Variants in ADAMTS2 observed in about 807,000 individuals in gnomAD.
ADAMTS2 encodes the protein A disintegrin and metalloproteinase with thrombospondin motifs 2.
In ADAMTS2, 50 loss-of-function variants were observed where a neutral mutation model predicts 123.0. That is an observed-to-expected ratio of 0.41 (90% CI 0.32 to 0.51). The LOEUF is 0.51. ADAMTS2 is among the 20% of genes least tolerant of loss of function. The probability of loss-of-function intolerance (pLI) is 0.35; values close to 1 mark genes in which losing one functional copy is unlikely to be tolerated. For synonymous variants in ADAMTS2, 678 were observed against 695.4 expected, an observed-to-expected ratio of 0.98 and a Z score of 0.39; for missense variants, 1,494 against 1,705.2, an observed-to-expected ratio of 0.88 and a Z score of 2.18.
chr5:179,317,855 G>A lies in ADAMTS2; in HGVS notation c.534+25912C>T, dbSNP rs1247673817. Among the ~76,000 whole-genome samples, 2 of 152,220 alleles carry A rather than the reference G, an allele frequency of 1.3e-5. No homozygotes were observed. Among genetic ancestry groups the A allele is most frequent in the Non-Finnish European group, 2.9e-5 (2 of 68,036 alleles). On this transcript the variant is annotated intron_variant, in intron 2 of 21. Coordinates refer to ENST00000251582, the MANE Select transcript of ADAMTS2 (RefSeq NM_014244.5). This position sits in a 1 kb window ranked among gnomAD's most constrained non-coding sequence, Gnocchi z 4.9. The stretch of plus-strand genomic sequence containing the variant: ...GGTAGAGGTGGGGCTGGTCCACAGT[G>A]AGGGAGGGAGGCAGGTGTAGACTGG...
intron 4 of ADAMTS2, among the ~76,000 whole-genome samples, chr5:179,193,315 C>T (rs2052469): frequency 0.23 from 34,436 of 152,124 alleles, 6,248 homozygotes; most frequent in East Asian, 0.47. Flanking sequence ...TCTCCGCCTA[C>T]GCCGAGTACT....
intron 3 of ADAMTS2, among the ~76,000 whole-genome samples, chr5:179,218,050 G>A (rs994502304): frequency 1.1e-4 from 16 of 152,164 alleles, no homozygotes; most frequent in African/African-American, 2.9e-4. Context: ...CCTAATGACC[G>A]CCCTGCAGAG....
In ADAMTS2 at chr5:179,158,934, G is replaced by C. The variant is rs1304938559; in HGVS notation, c.976-55C>G. ...AGAGGTTGGCGCCTGGTGGCCCAGT[G>C]GGGGGCCGAGCAGGCTGTAGTGTTG... On this transcript the variant is annotated intron_variant, in intron 5 of 21. Coordinates refer to ENST00000251582, the MANE Select transcript of ADAMTS2 (RefSeq NM_014244.5). This position sits in a 1 kb window ranked among gnomAD's most constrained non-coding sequence, Gnocchi z 5.0. 3.8e-6 allele frequency: 6 copies of C among 1,595,916 alleles called. No individual in the cohort carries two copies. Among genetic ancestry groups the C allele is most frequent in the Non-Finnish European group, 4.3e-6 (5 of 1,170,730 alleles).
chr5:179,128,146 C>G lies in ADAMTS2; in HGVS notation c.2458-28G>C. On this transcript the variant is annotated intron_variant, in intron 16 of 21. Transcript: ENST00000251582. This position sits in a 1 kb window ranked among gnomAD's most constrained non-coding sequence, Gnocchi z 4.9. ...GTGCCAGCCCAAGAGCCTTGATGTG[C>G]CTGACCTGCCCTCCATGCTTCCTCC... is the stretch of plus-strand genomic sequence containing the variant. 6.2e-7 allele frequency: 1 copy of G among 1,610,870 alleles called. No homozygotes were observed. Among genetic ancestry groups the G allele is most frequent in the South Asian group, 1.1e-5 (1 of 91,020 alleles).
At chr5:179,226,627 G>A (rs1160931954) in intron 3 of ADAMTS2, among the ~76,000 whole-genome samples, 2 of 152,104 alleles carry the variant, frequency 1.3e-5, no homozygotes, top group Non-Finnish European at 2.9e-5. Context: ...GAAACAACCT[G>A]CATCAGATTG....
intron 5 of ADAMTS2, among the ~76,000 whole-genome samples, chr5:179,161,606 T>C (rs1374144696): frequency 1.3e-5 from 2 of 152,170 alleles, no homozygotes; most frequent in Non-Finnish European, 2.9e-5. Context: ...GAATAAGCGT[T>C]AGTGCCCTAT....
chr5:179,298,999 C>G (rs1267764695), intron 2 of ADAMTS2, among the ~76,000 whole-genome samples: 2 of 151,878 alleles, frequency 1.3e-5, no homozygotes, highest in Non-Finnish European at 2.9e-5. Context: ...TGGATGAGAC[C>G]AAAGCCACCA....
rs1296515884 is a variant in ADAMTS2 at position 179,155,392 on chromosome 5, G to C, written c.1133-473C>G. The stretch of plus-strand genomic sequence containing the variant: ...CCTCCAAGCCCACCTCCTCTGGGGG[G>C]CGTTTCTTGGGTCTCCCCGTGTTTC... On this transcript the variant is annotated intron_variant, in intron 6 of 21. Coordinates refer to ENST00000251582, the MANE Select transcript of ADAMTS2 (RefSeq NM_014244.5). This position sits in a 1 kb window ranked among gnomAD's most constrained non-coding sequence, Gnocchi z 5.1. Among the ~76,000 whole-genome samples, 1 of 152,194 alleles carries C rather than the reference G, an allele frequency of 6.6e-6. No individual in the cohort carries two copies. The highest frequency in any genetic ancestry group is 1.5e-5 in the Non-Finnish European group (1 of 68,046).
At chr5:179,299,317 C>T (rs1385696967) in intron 2 of ADAMTS2, among the ~76,000 whole-genome samples, 2 of 106,236 alleles carry the variant, frequency 1.9e-5, no homozygotes, top group Admixed American at 1.1e-4. Flanking sequence ...ATCACGAGGT[C>T]AGGAGATGGA....
chr5:179,293,563 T>C (rs1756247488), intron 2 of ADAMTS2, among the ~76,000 whole-genome samples: 1 of 152,222 alleles, frequency 6.6e-6, no homozygotes, highest in African/African-American at 2.4e-5. Context: ...CAGTGCCCCA[T>C]AGATCCCAGC....
chr5:179,114,191 G>A lies in ADAMTS2; in HGVS notation c.3312C>T (p.Gly1104=), dbSNP rs1023260232. The A allele has an allele frequency of 3.1e-6, 5 of 1,612,154 alleles. No individual in the cohort carries two copies. Among genetic ancestry groups the A allele is most frequent in the Non-Finnish European group, 4.2e-6 (5 of 1,178,398 alleles). ...GCTTCCCAGGCGGTGGCTCTATCCT[G>A]CCCTCCACGTTGGTGAGGTTGTTGT... is the stretch of plus-strand genomic sequence containing the variant. The part of the protein sequence containing the change: ...NLYNNLTNVE[G]RIEPPPGKHN... The change falls in exon 22 of 22, where the codon GGC becomes GGT. Residue 1104 remains glycine (G), a synonymous_variant. Transcript: ENST00000251582.
rs183191714 is a variant in ADAMTS2 at position 179,226,885 on chromosome 5, G to A, written c.689-19170C>T. ...TAACGTCCCCATCAGTCAAGGTCTGGTTAAGCAAGTGATTCACAGGATGGA... is the reference window on the plus strand; with the variant it reads ...TAACGTCCCCATCAGTCAAGGTCTGATTAAGCAAGTGATTCACAGGATGGA... On this transcript the variant is annotated intron_variant, in intron 3 of 21. Transcript: ENST00000251582. Among the ~76,000 whole-genome samples, 7 of 152,342 alleles carry A rather than the reference G, an allele frequency of 4.6e-5. No homozygotes were observed. The East Asian group carries it at 1.3e-3, about 29-fold the overall frequency.
intron 10 of ADAMTS2, among the ~76,000 whole-genome samples, chr5:179,148,774 AC>A (rs1763299453): frequency 6.6e-6 from 1 of 151,890 alleles, no homozygotes; most frequent in African/African-American, 2.4e-5. Context: ...ACCCTCCCAG[AC>A]CTGCCTTTGT....
chr5:179,306,134 A>G (rs1296672194), intron 2 of ADAMTS2, among the ~76,000 whole-genome samples: 1 of 145,412 alleles, frequency 6.9e-6, no homozygotes, highest in African/African-American at 2.5e-5. Context: ...ACAGTTCAAT[A>G]AAAAAAAAAA....
chr5:179,113,904 T>C lies in ADAMTS2; in HGVS notation c.3599A>G (p.Asp1200Gly). 1 of 1,614,220 alleles carries C rather than the reference T, an allele frequency of 6.2e-7. No homozygotes were observed. Among genetic ancestry groups the C allele is most frequent in the South Asian group, 1.1e-5 (1 of 91,084 alleles). The change falls in exon 22 of 22, where the codon GAT becomes GGT. Residue 1200 changes from aspartate (D) to glycine (G), a missense_variant. Physicochemically the swap from Asp to Gly is moderately conservative, Grantham distance 94. Coordinates refer to ENST00000251582, the MANE Select transcript of ADAMTS2 (RefSeq NM_014244.5). ...GAGCATCTCTTTCTTCCGCATCTCATCAATGAGCTCTTGGATTCTTTGGTT... is the reference window on the plus strand; with the variant it reads ...GAGCATCTCTTTCTTCCGCATCTCACCAATGAGCTCTTGGATTCTTTGGTT... ...TRNQRIQELI[D>G]EMRKKEMLGK...
chr5:179,275,020 C>T (rs1315024607), intron 2 of ADAMTS2, among the ~76,000 whole-genome samples: 2 of 152,172 alleles, frequency 1.3e-5, no homozygotes, highest in Non-Finnish European at 2.9e-5. Flanking sequence ...GGACGGAGCA[C>T]AGCTGGTGGG....
intron 13 of ADAMTS2, among the ~76,000 whole-genome samples, chr5:179,134,551 C>A (rs775553130): frequency 6.6e-6 from 1 of 152,208 alleles, no homozygotes; most frequent in South Asian, 2.1e-4. Context: ...GGCCTCCCCA[C>A]GTCCTCACTG....
At chr5:179,211,114 C>T (rs1764841009) in intron 3 of ADAMTS2, among the ~76,000 whole-genome samples, 1 of 152,246 alleles carries the variant, frequency 6.6e-6, no homozygotes, top group Non-Finnish European at 1.5e-5. Flanking sequence ...GCCCCTGTTC[C>T]ACTTGGTCCC....
At chr5:179,121,608 G>C in intron 21 of ADAMTS2, 53 bp downstream of exon 21, 1 of 1,460,126 alleles carries the variant, frequency 6.8e-7, no homozygotes, top group Non-Finnish European at 9.4e-7. Context: ...AGCTCCACAG[G>C]GCGCAGGGCA....
Sources: gnomAD v4.1 joint callset for allele counts (sites outside exome capture counted in the v4.1 genomes callset) on GRCh38, gnomAD v4.1.1 for gene constraint, Gnocchi (gnomAD v3.1) non-coding constraint, MANE v1.5 for transcripts, NCBI Gene and HGNC (gene_info 2026-07-23, HGNC 2026-07-21) for gene names.